TPRG1L: variants seen among roughly 807,000 people sequenced by gnomAD.
The protein encoded by TPRG1L is tumor protein p63-regulated gene 1-like protein.
Under a neutral mutation model 29.4 loss-of-function variants are expected in TPRG1L, and 25 were observed. The ratio of observed to expected loss-of-function variants is 0.85; its 90% confidence interval spans 0.62 to 1.19. The LOEUF (loss-of-function observed/expected upper bound fraction) is 1.19. TPRG1L is among the 50% of genes most tolerant of loss of function. The probability of loss-of-function intolerance (pLI) is 0.00; values close to 1 mark genes in which losing one functional copy is unlikely to be tolerated. For synonymous variants in TPRG1L, 182 were observed against 151.1 expected (o/e 1.20, Z -1.50); for missense variants, 354 against 364.4 (o/e 0.97, Z 0.23).
chr1:3,625,837 G>T lies in TPRG1L; in HGVS notation c.418G>T (p.Val140Leu). 1 of 1,613,390 alleles carries T rather than the reference G, an allele frequency of 6.2e-7. No homozygotes were observed. The highest frequency in any genetic ancestry group is 8.5e-7 in the Non-Finnish European group (1 of 1,180,022). The change falls in exon 3 of 5, where the codon GTA becomes TTA. Residue 140 changes from valine (V) to leucine (L), a missense_variant. By Grantham distance (32) the Val-to-Leu change is conservative (BLOSUM62 1). Coordinates refer to ENST00000378344, the MANE Select transcript of TPRG1L (RefSeq NM_182752.4). ...QQVVRIALNAVDTISYGEFQF... is the reference protein window; with the variant it reads ...QQVVRIALNALDTISYGEFQF... ...GGTGGTGCGGATAGCGCTCAACGCAGTAGACACCATTTCCTACGGAGAATT... is the reference window on the plus strand; with the variant it reads ...GGTGGTGCGGATAGCGCTCAACGCATTAGACACCATTTCCTACGGAGAATT...
At chr1:3,625,659 C>T in intron 2 of TPRG1L, 54 bp from the exon 3 acceptor site, 1 of 1,581,372 alleles carries the variant, frequency 6.3e-7, no homozygotes, top group Non-Finnish European at 8.6e-7. Flanking sequence ...CTGGCCTTGG[C>T]TAAGTCGAGA....
chr1:3,625,420 C>G lies in TPRG1L; in HGVS notation c.202-4C>G, dbSNP rs758811001. 2 of 1,589,662 alleles carry G rather than the reference C, an allele frequency of 1.3e-6. No homozygotes were observed. The highest frequency in any genetic ancestry group is 1.7e-6 in the Non-Finnish European group (2 of 1,169,632). ...CCCCGTCCCCCACCCCGCAACCCGC[C>G]CAGCCCGGCAGCATCGAGCAGGCAG... is the stretch of plus-strand genomic sequence containing the variant. On this transcript the variant is annotated splice_region_variant and splice_polypyrimidine_tract_variant and intron_variant, in intron 1 of 4. Transcript: ENST00000378344.
Position 3,625,191 on chromosome 1 carries a change from C to T in TPRG1L, c.119C>T (p.Thr40Met), listed in dbSNP as rs1043043648. 2 of 1,248,586 alleles carry T rather than the reference C, an allele frequency of 1.6e-6. No individual in the cohort carries two copies. The highest frequency in any genetic ancestry group is 2.0e-6 in the Non-Finnish European group (2 of 996,122). The allele number at this position is 1,248,586 out of a possible 1,614,324, so 77.3% of individuals were successfully genotyped here. ...GPGGGRPGAG[T>M]PLRQTLWPLS... ...GGCGGGGGGCGGCCGGGGGCGGGGA[C>T]GCCGCTGCGCCAGACACTCTGGCCT... The change falls in exon 1 of 5, where the codon ACG (threonine) becomes ATG (methionine). Residue 40 changes from threonine to methionine, a missense_variant. Coordinates refer to ENST00000378344, the MANE Select transcript of TPRG1L (RefSeq NM_182752.4).
At chr1:3,625,375 C>T (rs982388269) in intron 1 of TPRG1L, 49 bp from the exon 2 acceptor site, 3 of 1,547,922 alleles carry the variant, frequency 1.9e-6, no homozygotes, top group Middle Eastern at 2.2e-4. Context: ...AGGGAGCGAG[C>T]TGTGACCTGT....
At chr1:3,626,318 TAA>T (rs1354783696) in intron 3 of TPRG1L, among the ~76,000 whole-genome samples, 1 of 152,210 alleles carries the variant, frequency 6.6e-6, no homozygotes, top group Non-Finnish European at 1.5e-5. Flanking sequence ...TAGATACCAC[TAA>T]AAGACAAATT....
At chr1:3,625,681 A>C (rs747748787) in intron 2 of TPRG1L, 32 bp from the exon 3 acceptor site, 1 of 1,597,986 alleles carries the variant, frequency 6.3e-7, no homozygotes, top group East Asian at 2.2e-5. Flanking sequence ...AGCCGCGTCC[A>C]GTGTGGACTG....
Position 3,627,004 on chromosome 1 carries a change from A to T in TPRG1L, c.471-496A>T, listed in dbSNP as rs139124789. Among the ~76,000 whole-genome samples the T allele has an allele frequency of 1.2e-4, 19 of 152,306 alleles. No individual in the cohort carries two copies. In the East Asian group the frequency reaches 3.5e-3, roughly 28 times the overall value. ...TTAAAGCAATTGTTAGTGGAGATTGAAGTTACTACTAAAAACCACAGGCCG... is the reference window on the plus strand; with the variant it reads ...TTAAAGCAATTGTTAGTGGAGATTGTAGTTACTACTAAAAACCACAGGCCG... On this transcript the variant is annotated intron_variant, in intron 3 of 4. Coordinates refer to ENST00000378344, the MANE Select transcript of TPRG1L (RefSeq NM_182752.4).
Position 3,625,290 on chromosome 1 carries a change from G to A in TPRG1L, c.201+17G>A. The A allele has an allele frequency of 2.8e-6, 4 of 1,424,600 alleles. No homozygotes were observed. The highest frequency in any genetic ancestry group is 2.8e-5 in the East Asian group (1 of 35,394). 88.2% of individuals were successfully genotyped at this position (1,424,600 alleles called of 1,614,324 possible). A position where few individuals can be genotyped will look rare whatever the true frequency, so the allele number is the denominator to read the frequency against. ...GTGTTCCGGGTGAGGCAGGGGCCAG[G>A]GCCGGGGCGGGGGCCGAGGGCGCGG... On this transcript the variant is annotated intron_variant, in intron 1 of 4. Transcript: ENST00000378344.
In TPRG1L at chr1:3,625,878, A is replaced by G; in HGVS notation, c.459A>G (p.Lys153=). The part of the protein sequence containing the change: ...ISYGEFQFPP[K]SLNKREGFGI... ...ACGGAGAATTCCAGTTTCCCCCTAA[A>G]TCGCTCAACAAGTAAGCCTGTTCAG... The change falls in exon 3 of 5, where the codon AAA becomes AAG. Residue 153 remains lysine (K), a synonymous_variant. Coordinates refer to ENST00000378344, the MANE Select transcript of TPRG1L (RefSeq NM_182752.4). The G allele has an allele frequency of 6.2e-7, 1 of 1,611,198 alleles. No homozygotes were observed. Among genetic ancestry groups the G allele is most frequent in the Non-Finnish European group, 8.5e-7 (1 of 1,179,468 alleles).
rs573684894 is a variant in TPRG1L at position 3,625,561 on chromosome 1, C to T, written c.293+46C>T. ...CCTTGGTGGGGGGACTCGCCCCGAG[C>T]CGCCGCGCAGCACCTTGCGAGGACT... On this transcript the variant is annotated intron_variant, in intron 2 of 4. Coordinates refer to ENST00000378344, the MANE Select transcript of TPRG1L (RefSeq NM_182752.4). 2.5e-6 allele frequency: 4 copies of T among 1,576,680 alleles called. No homozygotes were observed. The African/African-American group carries it at 4.0e-5, about 16-fold the overall frequency.
rs752916949 is a variant in TPRG1L, at chr1:3,628,584, G to C, written c.800G>C (p.Arg267Thr). Residue 267 changes from arginine (R) to threonine (T), a missense_variant, in exon 5 of 5, where the codon AGG becomes ACG. Arg to Thr is a moderately conservative substitution (Grantham distance 71, BLOSUM62 -1). Transcript: ENST00000378344. ...NEAKLGYSMT[R>T]GKIGF is the part of the protein sequence containing the mutation. ...GCGAAACTGGGCTACTCCATGACCA[G>C]GGGCAAAATAGGCTTTTAGCCGCTG... is the stretch of plus-strand genomic sequence containing the variant. 2.5e-6 allele frequency: 4 copies of C among 1,604,814 alleles called. No homozygotes were observed. In the East Asian group the frequency reaches 9.0e-5, roughly 36 times the overall value.
In TPRG1L at chr1:3,628,960, G is replaced by C. The variant is rs767415464; in HGVS notation, c.*357G>C. ...TTTCCCACCCCAGCTGCCCCAGCAC[G>C]CGGGACCCATAGCACACCCCTTAGC... On this transcript the variant is annotated 3_prime_UTR_variant, in exon 5 of 5. Coordinates refer to ENST00000378344, the MANE Select transcript of TPRG1L (RefSeq NM_182752.4). The C allele has an allele frequency of 5.1e-6, 1 of 195,848 alleles. No homozygotes were observed. Among genetic ancestry groups the C allele is most frequent in the Non-Finnish European group, 1.0e-5 (1 of 95,692 alleles). The allele number at this position is 195,848 out of a possible 1,614,324, so 12.1% of individuals were successfully genotyped here.
chr1:3,629,144 G>A lies in TPRG1L; in HGVS notation c.*541G>A, dbSNP rs1644508349. 1.3e-5 allele frequency: 2 copies of A among 152,140 alleles called. No homozygotes were observed. Among genetic ancestry groups the A allele is most frequent in the African/African-American group, 2.4e-5 (1 of 41,434 alleles). 9.4% of individuals were successfully genotyped at this position (152,140 alleles called of 1,614,324 possible). A position where few individuals can be genotyped will look rare whatever the true frequency, so the allele number is the denominator to read the frequency against. ...GCCAGCAGACCGGTTGACTGAGACC[G>A]GTCTGTGGCTGTGGGCCCCTTGGTG... On this transcript the variant is annotated 3_prime_UTR_variant, in exon 5 of 5. Coordinates refer to ENST00000378344, the MANE Select transcript of TPRG1L (RefSeq NM_182752.4).
At position 3,628,719 on chromosome 1, in the gene TPRG1L, G is replaced by A; in HGVS notation, c.*116G>A. ...CTGGCAGTCTTCATGCTGCCCTGCT[G>A]CTGCTGGAAGGATGGGGATCTTTCA... On this transcript the variant is annotated 3_prime_UTR_variant, in exon 5 of 5. Coordinates refer to ENST00000378344, the MANE Select transcript of TPRG1L (RefSeq NM_182752.4). 1 of 965,570 alleles carries A rather than the reference G, an allele frequency of 1.0e-6. No homozygotes were observed. Among genetic ancestry groups the A allele is most frequent in the South Asian group, 1.8e-5 (1 of 56,662 alleles). 59.8% of individuals were successfully genotyped at this position (965,570 alleles called of 1,614,324 possible). A position where few individuals can be genotyped will look rare whatever the true frequency, so the allele number is the denominator to read the frequency against.
At chr1:3,628,380 TA>T in intron 4 of TPRG1L, 28 bp from the exon 5 acceptor site, 1 of 1,559,754 alleles carries the variant, frequency 6.4e-7, no homozygotes, top group Non-Finnish European at 8.7e-7. Context: ...GCCTGACAGT[TA>T]AAGCTCCATG....
At position 3,627,653 on chromosome 1, in the gene TPRG1L, G is replaced by A. The variant is rs1219520628; in HGVS notation, c.624G>A (p.Gln208=). The change falls in exon 4 of 5, where the codon CAG becomes CAA. Residue 208 remains glutamine (Q), a splice_region_variant and synonymous_variant. Coordinates refer to ENST00000378344, the MANE Select transcript of TPRG1L (RefSeq NM_182752.4). ...ATGAGAAGACAGCATCTCTGTGTCA[G>A]GTAAGAAGACAGGCACATAAATAGC... ...GADEKTASLC[Q]LESFKALLIQ... is the part of the protein sequence containing the mutation. 2 of 1,609,724 alleles carry A rather than the reference G, an allele frequency of 1.2e-6. No homozygotes were observed. Among genetic ancestry groups the A allele is most frequent in the South Asian group, 2.2e-5 (2 of 90,930 alleles).
chr1:3,625,603 C>T (rs1016666087), intron 2 of TPRG1L, 88 bp downstream of exon 2: 3 of 1,559,124 alleles, frequency 1.9e-6, no homozygotes, highest in Non-Finnish European at 2.6e-6. Context: ...GGTGCTCGTG[C>T]CACGCTCAGG....
At chr1:3,626,869 G>A (rs1464221623) in intron 3 of TPRG1L, among the ~76,000 whole-genome samples, 1 of 151,954 alleles carries the variant, frequency 6.6e-6, no homozygotes, top group Non-Finnish European at 1.5e-5. Flanking sequence ...GTCAGCCACC[G>A]TGCCCAGCCA....
At position 3,628,508 on chromosome 1, in the gene TPRG1L, C is replaced by A; in HGVS notation, c.724C>A (p.Pro242Thr). 6.2e-7 allele frequency: 1 copy of A among 1,614,116 alleles called. No individual in the cohort carries two copies. The highest frequency in any genetic ancestry group is 8.5e-7 in the Non-Finnish European group (1 of 1,179,992). ...GAATGGCGTGCTGATCCTGGAGCGC[C>A]CCCTGCTCATCGAGACCTACGTGGG... The part of the protein sequence containing the change: ...QANGVLILER[P>T]LLIETYVGLM... The change falls in exon 5 of 5, where the codon CCC becomes ACC. Residue 242 changes from proline (P) to threonine (T), a missense_variant. Pro to Thr is a conservative substitution (Grantham distance 38). Transcript: ENST00000378344.
Sources: allele counts gnomAD v4.1 joint callset (sites outside exome capture counted in the v4.1 genomes callset), GRCh38; gene constraint gnomAD v4.1.1; transcripts MANE v1.5; gene names NCBI Gene and HGNC (gene_info 2026-07-23, HGNC 2026-07-21).